The following POLI variants were observed in gnomAD, a reference collection of about 807,000 sequenced individuals.
POLI encodes the protein RAD30 homolog B.
POLI carries 58 observed loss-of-function variants against 51.6 expected under a neutral mutation model. The ratio of observed to expected loss-of-function variants is 1.12; its 90% CI spans 0.91 to 1.40. POLI has a LOEUF of 1.40. Among genes scored for constraint, POLI ranks in the 40% most tolerant of loss-of-function variants. The pLI, the probability that POLI is intolerant of heterozygous loss-of-function variation, is 0.00. For missense variants in POLI, 921 were observed against 871.3 expected (o/e 1.06, Z -0.72); for synonymous variants, 322 against 299.7 (o/e 1.07, Z -0.77).
intron 8 of POLI, chr18:54,287,683 A>G (rs1179755475): frequency 4.4e-6 from 1 of 226,586 alleles, no homozygotes; most frequent in African/African-American, 2.3e-5. Context: ...AGGCTCAAAC[A>G]ATTCTTCTGC....
At chr18:54,307,566 T>C (rs945675288) in intron 3 of POLI, among the ~76,000 whole-genome samples, 1 of 152,304 alleles carries the variant, frequency 6.6e-6, no homozygotes, top group South Asian at 2.1e-4. Context: ...TTCTGTTGAT[T>C]TGGGGTGGAG....
intron 4 of POLI, among the ~76,000 whole-genome samples, chr18:54,278,136 C>T (rs749800550): frequency 4.6e-5 from 7 of 152,118 alleles, no homozygotes; most frequent in Admixed American, 2.0e-4. Context: ...GCAGAGTTTT[C>T]GTCTGACACA....
intron 3 of POLI, among the ~76,000 whole-genome samples, chr18:54,315,648 A>G (rs1415726472): frequency 1.3e-5 from 2 of 152,164 alleles, no homozygotes; most frequent in East Asian, 3.9e-4. Context: ...TGTTGGGCGC[A>G]TATATATTTA....
chr18:54,286,681 C>T (rs1203774501), intron 7 of POLI, among the ~76,000 whole-genome samples: 3 of 152,030 alleles, frequency 2.0e-5, no homozygotes, highest in Non-Finnish European at 4.4e-5. Flanking sequence ...TGTTGGCTTA[C>T]GTCTGTAATC....
intron 3 of POLI, among the ~76,000 whole-genome samples, chr18:54,305,021 C>T (rs1352916851): frequency 1.3e-5 from 2 of 152,196 alleles, no homozygotes; most frequent in Non-Finnish European, 2.9e-5. Flanking sequence ...AATAGGGAAT[C>T]CTTTCCCCAT....
intron 8 of POLI, among the ~76,000 whole-genome samples, chr18:54,288,265 G>A (rs563406276): frequency 6.6e-6 from 1 of 152,206 alleles, no homozygotes; most frequent in African/African-American, 2.4e-5. Flanking sequence ...TATGGATAGT[G>A]TTTTTGGTGT....
chr18:54,296,259 T>C lies in POLI; in HGVS notation c.*1792T>C, dbSNP rs2088320163. 1.0e-6 allele frequency: 1 copy of C among 985,250 alleles called. No homozygotes were observed. The highest frequency in any genetic ancestry group is 4.7e-5 in the South Asian group (1 of 21,290). The allele number at this position is 985,250 out of a possible 1,614,324, so 61.0% of individuals were successfully genotyped here. A position where few individuals can be genotyped will look rare whatever the true frequency, so the allele number is the denominator to read the frequency against. On this transcript the variant is annotated 3_prime_UTR_variant, in exon 10 of 10. Coordinates refer to ENST00000579534, the MANE Select transcript of POLI (RefSeq NM_007195.3). The stretch of plus-strand genomic sequence containing the variant: ...TGGCTAAGAAAACAAAGTAAATGGT[T>C]TTGGCCAGCTTAAAAAGAGAAAGCA...
chr18:54,293,174 G>A (rs2088108185), intron 9 of POLI, among the ~76,000 whole-genome samples: 2 of 151,670 alleles, frequency 1.3e-5, no homozygotes. Flanking sequence ...ATATAAACTA[G>A]TACTATATCT....
intron 8 of POLI, among the ~76,000 whole-genome samples, chr18:54,290,984 A>C (rs1381163099): frequency 2.6e-5 from 4 of 152,328 alleles, no homozygotes; most frequent in African/African-American, 9.6e-5. Flanking sequence ...AAAAGAAAAA[A>C]AATTAGGCCA....
At chr18:54,289,113 A>C (rs1241960723) in intron 8 of POLI, among the ~76,000 whole-genome samples, 1 of 147,388 alleles carries the variant, frequency 6.8e-6, no homozygotes. Flanking sequence ...TGTTTCCTGT[A>C]CTTCTTTTTA....
chr18:54,293,520 G>C, intron 9 of POLI, 129 bp from the exon 10 acceptor site: 1 of 619,650 alleles, frequency 1.6e-6, no homozygotes, highest in Non-Finnish European at 2.7e-6. Flanking sequence ...GTTTGGAACT[G>C]GCCACAAAGA....
chr18:54,314,985 T>G (rs2088714560), intron 3 of POLI, among the ~76,000 whole-genome samples: 1 of 150,836 alleles, frequency 6.6e-6, no homozygotes, highest in South Asian at 2.1e-4. Flanking sequence ...TGATTTTGGT[T>G]ATTTATTTTT....
At chr18:54,293,525 C>A in intron 9 of POLI, 124 bp from the exon 10 acceptor site, 2 of 643,978 alleles carry the variant, frequency 3.1e-6, no homozygotes, top group Non-Finnish European at 5.1e-6. Flanking sequence ...GAACTGGCCA[C>A]AAAGAGTTGT....
At chr18:54,311,124 C>T (rs2088663764) in intron 3 of POLI, 2 of 981,138 alleles carry the variant, frequency 2.0e-6, no homozygotes, top group African/African-American at 3.5e-5. Context: ...CAGTATGCTG[C>T]CACCCTGCCA....
chr18:54,297,579 T>G lies in POLI; in HGVS notation c.*3112T>G. 1 of 978,754 alleles carries G rather than the reference T, an allele frequency of 1.0e-6. No homozygotes were observed. Among genetic ancestry groups the G allele is most frequent in the Non-Finnish European group, 1.2e-6 (1 of 824,042 alleles). 60.6% of individuals were successfully genotyped at this position (978,754 alleles called of 1,614,324 possible). The stretch of plus-strand genomic sequence containing the variant: ...TCTTATTTTTTAATATATTTCTTTT[T>G]CTATGTTGTGCTTCTTTCCCACCTT... On this transcript the variant is annotated 3_prime_UTR_variant, in exon 10 of 10. Transcript: ENST00000579534.
At chr18:54,291,300 A>G (rs1039172750) in intron 8 of POLI, 1 of 152,270 alleles carries the variant, frequency 6.6e-6, no homozygotes, top group Non-Finnish European at 1.5e-5. Flanking sequence ...TTTCCTATCA[A>G]ATTTGCTCAT....
intron 3 of POLI, among the ~76,000 whole-genome samples, chr18:54,304,740 T>G (rs1315635811): frequency 6.6e-6 from 1 of 152,208 alleles, no homozygotes; most frequent in Non-Finnish European, 1.5e-5. Flanking sequence ...TAGTTTCTTT[T>G]GCTGTGCAGA....
intron 3 of POLI, among the ~76,000 whole-genome samples, chr18:54,308,220 C>T (rs925522497): frequency 2.0e-4 from 30 of 152,236 alleles, no homozygotes; most frequent in Non-Finnish European, 2.8e-4. Context: ...TGGCTGGTAC[C>T]GGTTGTTCCT....
chr18:54,286,213 A>G (rs995286666), intron 7 of POLI, among the ~76,000 whole-genome samples: 5 of 152,136 alleles, frequency 3.3e-5, no homozygotes, highest in Admixed American at 2.6e-4. Context: ...GTGTTTAACA[A>G]TGTGCAATAC....
Sources: gnomAD v4.1 joint callset for allele counts (sites outside exome capture counted in the v4.1 genomes callset) on GRCh38, gnomAD v4.1.1 for gene constraint, MANE v1.5 for transcripts, NCBI Gene and HGNC (gene_info 2026-07-23, HGNC 2026-07-21) for gene names.